DAB1: variants seen among roughly 807,000 people sequenced by gnomAD.
DAB1 encodes the protein DAB adaptor protein 1, also known as disabled homolog 1.
In DAB1, 15 loss-of-function variants were observed where a neutral mutation model predicts 64.6. That is an observed-to-expected ratio of 0.23 (90% CI 0.16 to 0.36). The LOEUF is 0.36. DAB1 is among the 10% of genes least tolerant of loss of function. The pLI is 1.00. For missense variants in DAB1, 596 were observed against 706.7 expected (o/e 0.84, Z 1.78); for synonymous variants, 235 against 251.9 (o/e 0.93, Z 0.64).
chr1:57,440,174 T>A (rs1253905446), intron 7 of DAB1, among the ~76,000 whole-genome samples: 1 of 152,244 alleles, frequency 6.6e-6, no homozygotes, highest in South Asian at 2.1e-4. Flanking sequence ...TTCTTTCTTC[T>A]TTGATTCCTT....
chr1:57,987,697 C>T (rs1382938784), intron 5 of DAB1, among the ~76,000 whole-genome samples: 1 of 152,176 alleles, frequency 6.6e-6, no homozygotes, highest in Non-Finnish European at 1.5e-5. Context: ...TTCAGTGAGG[C>T]TGCACTAATT....
At chr1:57,056,372 G>A (rs1029750251) in intron 9 of DAB1, among the ~76,000 whole-genome samples, 9 of 150,638 alleles carry the variant, frequency 6.0e-5, no homozygotes, top group Non-Finnish European at 8.9e-5. Context: ...AGGCATGGTG[G>A]TGCACGCCTG....
intron 5 of DAB1, among the ~76,000 whole-genome samples, chr1:58,040,294 G>A (rs1322437845): frequency 1.3e-5 from 2 of 152,168 alleles, no homozygotes; most frequent in Non-Finnish European, 2.9e-5. Flanking sequence ...CCTGTTGAAA[G>A]CATGATTAAA....
At chr1:58,240,834 T>C (rs141329495) in intron 4 of DAB1, among the ~76,000 whole-genome samples, 25 of 152,300 alleles carry the variant, frequency 1.6e-4, no homozygotes, top group African/African-American at 6.0e-4. Context: ...CCACAGGCAA[T>C]ACAAAGATGA....
intron 3 of DAB1, among the ~76,000 whole-genome samples, chr1:58,463,718 T>A (rs1238598783): frequency 6.6e-6 from 1 of 152,244 alleles, no homozygotes; most frequent in East Asian, 1.9e-4. Flanking sequence ...TGTGCCTCAA[T>A]GTCTCTGCAC....
intron 4 of DAB1, among the ~76,000 whole-genome samples, chr1:58,309,164 T>C (rs921620455): frequency 1.2e-4 from 18 of 152,184 alleles, no homozygotes; most frequent in African/African-American, 3.9e-4. Flanking sequence ...AGATTTGAGA[T>C]AATCCTAAGG....
chr1:57,582,893 C>T (rs1645330541), intron 7 of DAB1, among the ~76,000 whole-genome samples: 1 of 152,202 alleles, frequency 6.6e-6, no homozygotes, highest in Admixed American at 6.5e-5. Flanking sequence ...AAGCAGTGCG[C>T]CTATGACCCA....
chr1:57,151,713 A>C (rs944474980), intron 2 of DAB1, among the ~76,000 whole-genome samples: 1 of 141,924 alleles, frequency 7.0e-6, no homozygotes, highest in Admixed American at 6.7e-5. Context: ...TTTGTGAAGA[A>C]AAAAAGTTGT....
At chr1:58,400,636 T>C (rs1195030383) in intron 3 of DAB1, among the ~76,000 whole-genome samples, 1 of 152,150 alleles carries the variant, frequency 6.6e-6, no homozygotes, top group Non-Finnish European at 1.5e-5. Context: ...CTGTCAATTT[T>C]GCCAGGAAAA....
intron 2 of DAB1, among the ~76,000 whole-genome samples, chr1:57,175,998 G>T (rs1289785607): frequency 1.3e-5 from 2 of 152,092 alleles, no homozygotes; most frequent in African/African-American, 4.8e-5. Flanking sequence ...TTATATTATA[G>T]GTGTGTAATT....
chr1:58,481,035 T>C lies in DAB1; in HGVS notation n.257+25025A>G, dbSNP rs149689309. 231 of 871,920 alleles carry C rather than the reference T, an allele frequency of 2.6e-4. 1 individual carries two copies. The highest frequency in any genetic ancestry group is 1.9e-3 in the South Asian group (145 of 76,518). 54.0% of individuals were successfully genotyped at this position (871,920 alleles called of 1,614,324 possible). On this transcript the variant is annotated intron_variant and non_coding_transcript_variant, in intron 3 of 20. Coordinates refer to the DAB1 transcript ENST00000485760. Reference sequence around the variant, plus strand: ...CTCCTGTTTTTGAATAGGAAGAGTATCCATTTTCTGTTTCTTCGTGATATT... The same window carrying C: ...CTCCTGTTTTTGAATAGGAAGAGTACCCATTTTCTGTTTCTTCGTGATATT...
intron 4 of DAB1, among the ~76,000 whole-genome samples, chr1:58,250,004 T>C (rs953762879): frequency 6.6e-6 from 1 of 152,180 alleles, no homozygotes; most frequent in Non-Finnish European, 1.5e-5. Context: ...GCCTGGCTTC[T>C]GGCTCCAGAC....
At chr1:57,388,575 C>T (rs761751433) in intron 1 of DAB1, among the ~76,000 whole-genome samples, 5 of 152,178 alleles carry the variant, frequency 3.3e-5, no homozygotes, top group Non-Finnish European at 5.9e-5. Context: ...GCCTCTCCAC[C>T]TTCTGCAGCT....
At chr1:57,859,759 T>C (rs1334552279) in intron 1 of DAB1, among the ~76,000 whole-genome samples, 1 of 152,126 alleles carries the variant, frequency 6.6e-6, no homozygotes. Flanking sequence ...AACAGAGAGA[T>C]TGAAGGGAAA....
At chr1:58,506,108 G>T in exon 3 of DAB1, 1 of 872,312 alleles carries the variant, frequency 1.1e-6, no homozygotes, top group South Asian at 1.3e-5. Flanking sequence ...CATGAGAAGG[G>T]TGTGTAGATA....
chr1:57,824,779 G>A (rs1652271268), downstream of DAB1, among the ~76,000 whole-genome samples: 1 of 152,236 alleles, frequency 6.6e-6, no homozygotes, highest in South Asian at 2.1e-4. Context: ...AGCCAGCAGA[G>A]AGTCTGCTTT....
At chr1:58,495,284 A>G (rs1224413397) in intron 3 of DAB1, among the ~76,000 whole-genome samples, 1 of 151,924 alleles carries the variant, frequency 6.6e-6, no homozygotes, top group Admixed American at 6.6e-5. Flanking sequence ...TGGGAGGAGG[A>G]GGGAGGGATA....
intron 7 of DAB1, among the ~76,000 whole-genome samples, chr1:57,645,829 G>T (rs1646185742): frequency 6.6e-6 from 1 of 152,180 alleles, no homozygotes; most frequent in African/African-American, 2.4e-5. Flanking sequence ...AAAAATAACA[G>T]AGAAGAAAGG....
intron 1 of DAB1, among the ~76,000 whole-genome samples, chr1:57,850,965 C>A (rs1425571447): frequency 6.6e-6 from 1 of 152,178 alleles, no homozygotes; most frequent in Non-Finnish European, 1.5e-5. Flanking sequence ...TGCAAGCCCC[C>A]CAAGGCTTAG....
Sources: allele counts gnomAD v4.1 joint callset (sites outside exome capture counted in the v4.1 genomes callset), GRCh38; gene constraint gnomAD v4.1.1; transcripts MANE v1.5; gene names NCBI Gene and HGNC (gene_info 2026-07-23, HGNC 2026-07-21).